The following ZNF283 variants were observed in gnomAD, a reference collection of about 807,000 sequenced individuals.
ZNF283 encodes the protein zinc finger protein 41.
ZNF283 carries 10 observed loss-of-function variants against 9.2 expected under a neutral mutation model. That is an observed-to-expected ratio of 1.09 (90% CI 0.67 to 1.85). The LOEUF is 1.85. ZNF283 is among the 40% of genes most tolerant of loss of function. The pLI, the probability that ZNF283 is intolerant of heterozygous loss-of-function variation, is 0.00. For synonymous variants in ZNF283, 234 were observed against 244.1 expected (o/e 0.96, Z 0.38); for missense variants, 631 against 760.1 (o/e 0.83, Z 2.00).
intron 5 of ZNF283, among the ~76,000 whole-genome samples, chr19:43,836,405 A>G (rs1320411217): frequency 6.6e-6 from 1 of 152,180 alleles, no homozygotes; most frequent in Non-Finnish European, 1.5e-5. Flanking sequence ...GCAGTGGCAC[A>G]ATCTCGGCTC....
Position 43,848,698 on chromosome 19 carries a change from AACTCTT to A in ZNF283, c.*64_*69del, listed in dbSNP as rs1971529433. ...TGTATAGACAACTTATCATAATAAGAACTCTTACTCTTGAGAAACCTTGTGAATGTA... is the reference window on the plus strand; with the variant it reads ...TGTATAGACAACTTATCATAATAAGAACTCTTGAGAAACCTTGTGAATGTA... On this transcript the variant is annotated 3_prime_UTR_variant, in exon 7 of 7. Transcript: ENST00000618787. 2.7e-6 allele frequency: 4 copies of A among 1,461,040 alleles called. No homozygotes were observed. Among genetic ancestry groups the A allele is most frequent in the Admixed American group, 2.3e-5 (1 of 43,590 alleles). The allele number at this position is 1,461,040 out of a possible 1,614,324, so 90.5% of individuals were successfully genotyped here. A position where few individuals can be genotyped will look rare whatever the true frequency, so the allele number is the denominator to read the frequency against.
At chr19:43,832,899 C>T (rs984915104) in intron 3 of ZNF283, among the ~76,000 whole-genome samples, 2 of 151,654 alleles carry the variant, frequency 1.3e-5, no homozygotes, top group Non-Finnish European at 2.9e-5. Flanking sequence ...TGGCGTGCAC[C>T]TGTGGTTCTA....
intron 6 of ZNF283, among the ~76,000 whole-genome samples, chr19:43,843,402 C>T (rs1370367026): frequency 6.6e-6 from 1 of 152,096 alleles, no homozygotes; most frequent in African/African-American, 2.4e-5. Context: ...TATTTTTCAC[C>T]AAAGAATGAA....
At chr19:43,843,003 A>C (rs941807899) in intron 6 of ZNF283, among the ~76,000 whole-genome samples, 1 of 152,208 alleles carries the variant, frequency 6.6e-6, no homozygotes, top group Non-Finnish European at 1.5e-5. Flanking sequence ...TGTATACCAA[A>C]GTATGATGGT....
In ZNF283 at chr19:43,847,925, C is replaced by A. The variant is rs745563277; in HGVS notation, c.1324C>A (p.Arg442Ser). 1 of 1,612,672 alleles carries A rather than the reference C, an allele frequency of 6.2e-7. No homozygotes were observed. Among genetic ancestry groups the A allele is most frequent in the African/African-American group, 1.3e-5 (1 of 74,530 alleles). Reference sequence around the variant, plus strand: ...TAAAGAATGTGGAAAGGCCTTTAGTCGTGGCTATCACCTTTCTCAACATCA... The same window carrying A: ...TAAAGAATGTGGAAAGGCCTTTAGTAGTGGCTATCACCTTTCTCAACATCA... ...ECKECGKAFS[R>S]GYHLSQHQKI... Residue 442 changes from arginine (R) to serine (S), a missense_variant, in exon 7 of 7, where the codon CGT becomes AGT. Arg to Ser is a moderately radical substitution (Grantham distance 110, BLOSUM62 -1). Coordinates refer to ENST00000618787, the MANE Select transcript of ZNF283 (RefSeq NM_181845.2).
intron 4 of ZNF283, among the ~76,000 whole-genome samples, chr19:43,834,274 A>T (rs1970853151): frequency 6.6e-6 from 1 of 152,156 alleles, no homozygotes; most frequent in South Asian, 2.1e-4. Context: ...GAACAAAAAA[A>T]TAAATAAAAC....
chr19:43,836,925 A>G (rs1731162855), intron 5 of ZNF283, 128 bp from the exon 6 acceptor site: 1 of 980,298 alleles, frequency 1.0e-6, no homozygotes, highest in African/African-American at 1.6e-5. Context: ...TACCTATATC[A>G]GAGGCTTTCA....
At chr19:43,831,928 A>T (rs1385186879) in intron 3 of ZNF283, among the ~76,000 whole-genome samples, 2 of 151,814 alleles carry the variant, frequency 1.3e-5, no homozygotes, top group East Asian at 3.9e-4. Flanking sequence ...CACACCCAGC[A>T]CTTTGGAATA....
At chr19:43,830,796 A>G (rs540998979) in intron 2 of ZNF283, among the ~76,000 whole-genome samples, 1 of 151,138 alleles carries the variant, frequency 6.6e-6, no homozygotes, top group African/African-American at 2.4e-5. Context: ...CCAGCTATTC[A>G]ATAGGCTGAG....
chr19:43,845,049 A>C (rs1042268562), intron 6 of ZNF283, among the ~76,000 whole-genome samples: 1 of 152,070 alleles, frequency 6.6e-6, no homozygotes, highest in African/African-American at 2.4e-5. Context: ...GAAAGTCATA[A>C]CCTGTGGGTA....
At position 43,837,180 on chromosome 19, in the gene ZNF283, G is replaced by A; in HGVS notation, c.337+1G>A. On this transcript the variant is annotated splice_donor_variant, in intron 6 of 6. Transcript: ENST00000618787. LOFTEE classifies it high-confidence loss of function. ...AACTATAGTAACTTGGTGTCACTGG[G>A]TAAGGTCATCTGCCTGAAATAATTT... is the stretch of plus-strand genomic sequence containing the variant. The A allele has an allele frequency of 1.3e-6, 2 of 1,594,200 alleles. No individual in the cohort carries two copies. The highest frequency in any genetic ancestry group is 1.1e-5 in the South Asian group (1 of 88,072).
In ZNF283 at chr19:43,847,611, A is replaced by G. The variant is rs1222972054; in HGVS notation, c.1010A>G (p.His337Arg). The change falls in exon 7 of 7, where the codon CAT becomes CGT. Residue 337 changes from histidine to arginine, a missense_variant. This residue lies in a region of ZNF283 where 444 missense variants were observed against 522.5 expected (regional missense o/e 0.85). Transcript: ENST00000618787. ...TTTTGGGGCTCAAGCCTTGCTAAAC[A>G]TGAGATAATTCATACAGGTGAGAAA... ...AFFWGSSLAK[H>R]EIIHTGEKPY... 11 of 1,613,482 alleles carry G rather than the reference A, an allele frequency of 6.8e-6. No individual in the cohort carries two copies. The highest frequency in any genetic ancestry group is 5.5e-5 in the South Asian group (5 of 91,046).
At position 43,831,381 on chromosome 19, in the gene ZNF283, G is replaced by C. The variant is rs936263419; in HGVS notation, c.-1G>C. 1 of 1,593,922 alleles carries C rather than the reference G, an allele frequency of 6.3e-7. No individual in the cohort carries two copies. Among genetic ancestry groups the C allele is most frequent in the East Asian group, 2.2e-5 (1 of 44,792 alleles). On this transcript the variant is annotated splice_region_variant and 5_prime_UTR_variant, in exon 3 of 7. Transcript: ENST00000618787. ...AACAGCTACAGGATGTTCGAGAGCT[G>C]GTAGGTGTAAATTGTTTCAGGCCCA...
chr19:43,837,192 G>A lies in ZNF283; in HGVS notation c.337+13G>A, dbSNP rs750397016. 9 of 1,574,370 alleles carry A rather than the reference G, an allele frequency of 5.7e-6. No homozygotes were observed. Among genetic ancestry groups the A allele is most frequent in the Non-Finnish European group, 7.7e-6 (9 of 1,162,604 alleles). On this transcript the variant is annotated intron_variant, in intron 6 of 6. Transcript: ENST00000618787. ...TTGGTGTCACTGGGTAAGGTCATCT[G>A]CCTGAAATAATTTAGAGTCTCCTCT...
At chr19:43,834,213 T>A (rs1970850680) in intron 4 of ZNF283, among the ~76,000 whole-genome samples, 1 of 151,086 alleles carries the variant, frequency 6.6e-6, no homozygotes, top group African/African-American at 2.4e-5. Context: ...ACAAAATAAA[T>A]CCATCAGTCA....
rs546434686 is a variant in ZNF283, at chr19:43,838,683, G to A, written c.337+1504G>A. Reference sequence around the variant, plus strand: ...AAACTTTCCATTTATTCATATGTTCGCTTTCTAGTCAATGGGCTATATTCT... The same window carrying A: ...AAACTTTCCATTTATTCATATGTTCACTTTCTAGTCAATGGGCTATATTCT... On this transcript the variant is annotated intron_variant, in intron 6 of 6. Transcript: ENST00000618787. 5.3e-5 allele frequency among the ~76,000 whole-genome samples: 8 copies of A among 152,142 alleles called. No homozygotes were observed. The South Asian group carries it at 1.0e-3, about 20-fold the overall frequency.
At chr19:43,841,697 T>C (rs987768009) in intron 6 of ZNF283, among the ~76,000 whole-genome samples, 1 of 152,232 alleles carries the variant, frequency 6.6e-6, no homozygotes, top group African/African-American at 2.4e-5. Flanking sequence ...CCTCCCAAAG[T>C]GCTGGGATTA....
chr19:43,851,565 A>C lies in ZNF283; in HGVS notation c.*2924A>C, dbSNP rs1214886372. 6.6e-6 allele frequency: 1 copy of C among 152,176 alleles called. No homozygotes were observed. The highest frequency in any genetic ancestry group is 1.5e-5 in the Non-Finnish European group (1 of 68,112). The allele number at this position is 152,176 out of a possible 1,614,324, so 9.4% of individuals were successfully genotyped here. The stretch of plus-strand genomic sequence containing the variant: ...CCCCGTCTCTACTAAAAATAGAAAA[A>C]ATTAGCCGGGCGTGGTGGCGGGCGC... On this transcript the variant is annotated 3_prime_UTR_variant, in exon 7 of 7. Coordinates refer to ENST00000618787, the MANE Select transcript of ZNF283 (RefSeq NM_181845.2).
chr19:43,831,497 C>T, intron 3 of ZNF283, 116 bp downstream of exon 3: 1 of 825,326 alleles, frequency 1.2e-6, no homozygotes, highest in Non-Finnish European at 1.9e-6. Flanking sequence ...TTGGAAATGT[C>T]TTTATAGTTC....
Sources: gnomAD v4.1 joint callset for allele counts (sites outside exome capture counted in the v4.1 genomes callset) on GRCh38, gnomAD v4.1.1 for gene constraint, gnomAD v4.1.1 regional missense constraint, MANE v1.5 for transcripts, NCBI Gene and HGNC (gene_info 2026-07-23, HGNC 2026-07-21) for gene names.